The following SAXO1 variants were observed in gnomAD, a reference collection of about 807,000 sequenced individuals.
SAXO1 encodes the protein stabilizer of axonemal microtubules 1.
SAXO1 carries 21 observed loss-of-function variants against 17.5 expected under a neutral mutation model. That is an observed-to-expected ratio of 1.20 (90% CI 0.85 to 1.72). The LOEUF is 1.72. Among genes scored for constraint, SAXO1 ranks in the 40% most tolerant of loss-of-function variants. SAXO1 has a pLI of 0.00. For missense variants in SAXO1, 843 were observed against 596.0 expected (o/e 1.41, Z -4.32); for synonymous variants, 274 against 216.5 (o/e 1.27, Z -2.33).
chr9:18,993,712 A>T (rs751886221), intron 1 of SAXO1, among the ~76,000 whole-genome samples: 3 of 152,204 alleles, frequency 2.0e-5, no homozygotes, highest in Non-Finnish European at 4.4e-5. Flanking sequence ...GGCAAGGCGA[A>T]CCAACAGTCA....
At chr9:19,021,756 C>G (rs866873295) in intron 1 of SAXO1, among the ~76,000 whole-genome samples, 20 of 152,214 alleles carry the variant, frequency 1.3e-4, no homozygotes, top group African/African-American at 4.8e-4. Flanking sequence ...GCAAATGCAC[C>G]AATCAGCACT....
chr9:19,038,505 G>A (rs1358905115), intron 1 of SAXO1, among the ~76,000 whole-genome samples: 2 of 150,006 alleles, frequency 1.3e-5, no homozygotes, highest in South Asian at 2.1e-4. Flanking sequence ...ACTATTGCAA[G>A]GACAAAAAAC....
At chr9:18,996,733 A>G (rs1018430518) in intron 1 of SAXO1, among the ~76,000 whole-genome samples, 1 of 152,232 alleles carries the variant, frequency 6.6e-6, no homozygotes, top group African/African-American at 2.4e-5. Flanking sequence ...AGTGAACATC[A>G]TACTTAATGA....
intron 2 of SAXO1, among the ~76,000 whole-genome samples, chr9:18,948,988 G>A (rs977350522): frequency 6.6e-6 from 1 of 152,140 alleles, no homozygotes; most frequent in Non-Finnish European, 1.5e-5. Context: ...CATGTGCCTA[G>A]GACTCTTACT....
At chr9:19,044,068 C>A (rs1327501028) in intron 1 of SAXO1, among the ~76,000 whole-genome samples, 1 of 151,462 alleles carries the variant, frequency 6.6e-6, no homozygotes, top group African/African-American at 2.4e-5. Flanking sequence ...TCACTTGAAC[C>A]CAGGAGGTAG....
intron 1 of SAXO1, among the ~76,000 whole-genome samples, chr9:19,019,774 T>C (rs1036252096): frequency 4.6e-5 from 7 of 152,156 alleles, no homozygotes; most frequent in African/African-American, 1.2e-4. Flanking sequence ...CAATTTCTTA[T>C]GGTTCTAACT....
intron 1 of SAXO1, among the ~76,000 whole-genome samples, chr9:19,009,675 C>G (rs1403864874): frequency 6.6e-6 from 1 of 152,098 alleles, no homozygotes; most frequent in Non-Finnish European, 1.5e-5. Flanking sequence ...AGTGGAAGCA[C>G]TCTGCCTACT....
intron 1 of SAXO1, among the ~76,000 whole-genome samples, chr9:18,984,649 A>G (rs551330205): frequency 5.9e-5 from 9 of 152,302 alleles, no homozygotes; most frequent in Non-Finnish European, 1.2e-4. Context: ...ACAGAACTGA[A>G]AAGAGTTAGG....
intron 2 of SAXO1, among the ~76,000 whole-genome samples, chr9:18,945,561 G>A (rs1489073063): frequency 2.0e-5 from 3 of 152,230 alleles, no homozygotes; most frequent in East Asian, 1.9e-4. Flanking sequence ...AAGATCCTTG[G>A]CTGAATCACA....
chr9:18,936,816 G>A (rs1831313896), intron 3 of SAXO1, among the ~76,000 whole-genome samples: 1 of 152,150 alleles, frequency 6.6e-6, no homozygotes, highest in African/African-American at 2.4e-5. Flanking sequence ...CTTTCCAATT[G>A]CACAGTGTTT....
chr9:19,028,967 TCCAA>T (rs1327752294), intron 1 of SAXO1, among the ~76,000 whole-genome samples: 7 of 152,204 alleles, frequency 4.6e-5, no homozygotes, highest in African/African-American at 1.7e-4. Flanking sequence ...AATCCAGAAC[TCCAA>T]AGGTTTTGCT....
Position 18,948,935 on chromosome 9 carries a change from A to T in SAXO1, c.218+1823T>A, listed in dbSNP as rs531070669. ...ACAAGATATTTGCAAGCCACCCCTC[A>T]GTACTACTCTCACCCTTTCCTACCG... On this transcript the variant is annotated intron_variant, in intron 2 of 3. Coordinates refer to ENST00000380534, the MANE Select transcript of SAXO1 (RefSeq NM_153707.4). 2.0e-5 allele frequency among the ~76,000 whole-genome samples: 3 copies of T among 152,312 alleles called. No individual in the cohort carries two copies. The South Asian group carries it at 6.2e-4, about 32-fold the overall frequency.
chr9:18,985,615 C>G (rs1038846307), intron 1 of SAXO1, among the ~76,000 whole-genome samples: 2 of 152,102 alleles, frequency 1.3e-5, no homozygotes, highest in African/African-American at 4.8e-5. Flanking sequence ...CAAGGATGGG[C>G]AGAGACCCAG....
intron 1 of SAXO1, among the ~76,000 whole-genome samples, chr9:18,952,562 T>C (rs1832076395): frequency 6.6e-6 from 1 of 152,242 alleles, no homozygotes; most frequent in Admixed American, 6.5e-5. Flanking sequence ...GAATTGCATA[T>C]TAACAAGTAC....
intron 1 of SAXO1, among the ~76,000 whole-genome samples, chr9:19,012,080 A>G (rs919442520): frequency 1.3e-5 from 2 of 151,928 alleles, no homozygotes; most frequent in South Asian, 2.1e-4. Context: ...TCTTGACCTC[A>G]TGATCCGCCC....
chr9:19,042,989 T>C (rs913549873), intron 1 of SAXO1, among the ~76,000 whole-genome samples: 3 of 151,820 alleles, frequency 2.0e-5, no homozygotes, highest in African/African-American at 4.8e-5. Context: ...CTGGGAAATA[T>C]AGCAAAACCC....
chr9:18,956,750 A>G (rs1459177256), intron 1 of SAXO1, among the ~76,000 whole-genome samples: 1 of 152,236 alleles, frequency 6.6e-6, no homozygotes, highest in African/African-American at 2.4e-5. Context: ...AGCCCTGTCC[A>G]AAGCAAGCAG....
chr9:18,963,930 G>C (rs990398514), intron 1 of SAXO1, among the ~76,000 whole-genome samples: 2 of 152,162 alleles, frequency 1.3e-5, no homozygotes, highest in Admixed American at 6.5e-5. Context: ...CTGTGGGTTT[G>C]TCATAAATAG....
In SAXO1 at chr9:18,967,710, C is replaced by G. The variant is rs139267607; in HGVS notation, c.39-16773G>C. ...TTGGGGGAGGATCCGCTGAGCAAGA[C>G]CATTCGGCTCCCTGGCTTCAGCCCC... On this transcript the variant is annotated intron_variant, in intron 1 of 3. Coordinates refer to ENST00000380534, the MANE Select transcript of SAXO1 (RefSeq NM_153707.4). 2.0e-5 allele frequency among the ~76,000 whole-genome samples: 3 copies of G among 152,296 alleles called. No homozygotes were observed. In the East Asian group the frequency reaches 5.8e-4, roughly 30 times the overall value.
Sources: gnomAD v4.1 joint callset for allele counts (sites outside exome capture counted in the v4.1 genomes callset) on GRCh38, gnomAD v4.1.1 for gene constraint, MANE v1.5 for transcripts, NCBI Gene and HGNC (gene_info 2026-07-23, HGNC 2026-07-21) for gene names.